The following CDK19 variants were observed in gnomAD, a reference collection of about 807,000 sequenced individuals.
The protein encoded by CDK19 is cyclin-dependent kinase 19.
In CDK19, 20 loss-of-function variants were observed where a neutral mutation model predicts 68.3. That is an observed-to-expected ratio of 0.29 (90% CI 0.21 to 0.43). The LOEUF (loss-of-function observed/expected upper bound fraction) is 0.43, where lower values mean the gene tolerates loss of function less well. Ranked by LOEUF, CDK19 falls within the 20% of genes least tolerant of loss-of-function variation. The pLI is 1.00. For synonymous variants in CDK19, 221 were observed against 222.8 expected, an observed-to-expected ratio of 0.99 and a Z score of 0.07; for missense variants, 339 against 623.5, an observed-to-expected ratio of 0.54 and a Z score of 4.86.
At chr6:110,689,372 C>T (rs930193818) in intron 2 of CDK19, among the ~76,000 whole-genome samples, 3 of 152,156 alleles carry the variant, frequency 2.0e-5, no homozygotes, top group African/African-American at 7.2e-5. Flanking sequence ...TTCGGCCCCA[C>T]CCATCACCTG....
intron 8 of CDK19, among the ~76,000 whole-genome samples, chr6:110,623,643 T>C (rs540766649): frequency 6.6e-6 from 1 of 151,810 alleles, no homozygotes; most frequent in South Asian, 2.1e-4. Context: ...GCAACTCCAT[T>C]TCTAGGCACA....
At chr6:110,715,177 T>C (rs1435895068) in intron 2 of CDK19, among the ~76,000 whole-genome samples, 2 of 152,350 alleles carry the variant, frequency 1.3e-5, no homozygotes, top group East Asian at 3.9e-4. Context: ...TGCTAACGTT[T>C]AACATTTCCT....
chr6:110,746,162 G>T lies in CDK19; in HGVS notation c.168C>A (p.Gly56=). 1 of 1,603,256 alleles carries T rather than the reference G, an allele frequency of 6.2e-7. No homozygotes were observed. Residue 56 remains glycine, a synonymous_variant, in exon 2 of 13, where the codon GGC becomes GGA. Transcript: ENST00000368911. ...TACAAGCCGACATGGATATTCCTGT[G>T]CCTTCAATTTGCTTCAATGCATATT... The part of the protein sequence containing the change: ...EKEYALKQIE[G]TGISMSACRE...
chr6:110,645,902 G>C (rs1780535137), intron 4 of CDK19: 1 of 837,410 alleles, frequency 1.2e-6, no homozygotes, highest in Admixed American at 2.1e-5. Flanking sequence ...ACTCAGTCCT[G>C]CGAACTGTGC....
At chr6:110,797,984 C>CAAAAAAAAAAAA (rs56710819) in intron 1 of CDK19, among the ~76,000 whole-genome samples, 3 of 87,250 alleles carry the variant, frequency 3.4e-5, no homozygotes, top group Admixed American at 1.4e-4. Flanking sequence ...GACTCCGTCT[C>CAAAAAAAAAAAA]AAAAAAAAAA....
At chr6:110,615,569 G>C (rs1455295998) in intron 12 of CDK19, among the ~76,000 whole-genome samples, 1 of 152,218 alleles carries the variant, frequency 6.6e-6, no homozygotes, top group Non-Finnish European at 1.5e-5. Flanking sequence ...GACAGTGAAA[G>C]AGATCTGATT....
At chr6:110,745,530 G>A (rs555846147) in intron 2 of CDK19, among the ~76,000 whole-genome samples, 12 of 152,006 alleles carry the variant, frequency 7.9e-5, no homozygotes, top group Admixed American at 7.2e-4. Flanking sequence ...TAAAGCTACA[G>A]AAAAATAGAC....
At chr6:110,686,879 A>G (rs746507149) in intron 2 of CDK19, among the ~76,000 whole-genome samples, 4 of 152,266 alleles carry the variant, frequency 2.6e-5, no homozygotes, top group South Asian at 4.1e-4. Context: ...TACCTAACCC[A>G]TATCTTTATA....
chr6:110,621,509 G>C lies in CDK19; in HGVS notation c.1111-139C>G, dbSNP rs3817495. The C allele has an allele frequency of 0.24, 196,823 of 812,312 alleles. 26,018 individuals carry two copies. Among genetic ancestry groups the C allele is most frequent in the Admixed American group, 0.37 (14,462 of 38,774 alleles). 50.3% of individuals were successfully genotyped at this position (812,312 alleles called of 1,614,324 possible). A position where few individuals can be genotyped will look rare whatever the true frequency, so the allele number is the denominator to read the frequency against. On this transcript the variant is annotated intron_variant, in intron 11 of 12. Transcript: ENST00000368911. The surrounding 1 kb of genome is among the most constrained non-coding windows in gnomAD (Gnocchi z 5.4). ...GACACTAGAGTGATGGGGAGGACTG[G>C]AGAATGGAGCAGCCAGGGAACACAG...
chr6:110,808,227 T>A (rs1036122503), intron 1 of CDK19, among the ~76,000 whole-genome samples: 2 of 152,190 alleles, frequency 1.3e-5, no homozygotes, highest in African/African-American at 2.4e-5. Flanking sequence ...ACTAACTACA[T>A]TCCAGTAATC....
At chr6:110,711,633 G>A (rs1774945859) in intron 2 of CDK19, among the ~76,000 whole-genome samples, 1 of 152,214 alleles carries the variant, frequency 6.6e-6, no homozygotes, top group East Asian at 1.9e-4. Flanking sequence ...TACCTTGATG[G>A]AGAATTTATA....
intron 4 of CDK19, among the ~76,000 whole-genome samples, chr6:110,657,749 A>G (rs542809062): frequency 6.6e-6 from 1 of 152,292 alleles, no homozygotes; most frequent in East Asian, 1.9e-4. Context: ...CAGGCCACTA[A>G]AACTTTATGC....
chr6:110,804,471 T>C (rs1782540497), intron 1 of CDK19, among the ~76,000 whole-genome samples: 1 of 151,480 alleles, frequency 6.6e-6, no homozygotes, highest in Non-Finnish European at 1.5e-5. Context: ...GACCCCTGAG[T>C]AGCTGGGACT....
rs764414068 is a variant in CDK19 at position 110,815,188 on chromosome 6, C to T, written c.-52G>A. 16 of 1,502,584 alleles carry T rather than the reference C, an allele frequency of 1.1e-5. No homozygotes were observed. The highest frequency in any genetic ancestry group is 1.2e-5 in the Non-Finnish European group (14 of 1,121,916). 93.1% of individuals were successfully genotyped at this position (1,502,584 alleles called of 1,614,324 possible). A position where few individuals can be genotyped will look rare whatever the true frequency, so the allele number is the denominator to read the frequency against. ...GACGCGGGGGCCGCCGCCGCTCAGT[C>T]CCTCCTCCTCCTCCCCCCGCGACCG... is the stretch of plus-strand genomic sequence containing the variant. On this transcript the variant is annotated 5_prime_UTR_variant, in exon 1 of 13. Coordinates refer to ENST00000368911, the MANE Select transcript of CDK19 (RefSeq NM_015076.5).
At chr6:110,646,252 A>C (rs1780565984) in intron 4 of CDK19, 2 of 1,500,204 alleles carry the variant, frequency 1.3e-6, no homozygotes, top group Non-Finnish European at 1.8e-6. Flanking sequence ...TGGCCGTTCC[A>C]CACACATAGT....
intron 2 of CDK19, among the ~76,000 whole-genome samples, chr6:110,675,286 T>C (rs1288643472): frequency 6.6e-6 from 1 of 152,170 alleles, no homozygotes; most frequent in African/African-American, 2.4e-5. Flanking sequence ...GATTTGAAGT[T>C]GAAGCCAATG....
At chr6:110,767,861 CTT>C (rs1043941452) in intron 1 of CDK19, among the ~76,000 whole-genome samples, 2 of 152,006 alleles carry the variant, frequency 1.3e-5, no homozygotes, top group African/African-American at 4.8e-5. Flanking sequence ...AAAACTAAAA[CTT>C]TTGCTTTGTG....
rs1413973804 is a variant in CDK19 at position 110,707,459 on chromosome 6, G to T, written c.205-36918C>A. On this transcript the variant is annotated intron_variant, in intron 2 of 12. Transcript: ENST00000368911. ...CCTGGATACCTGTATCCAAAGATGT[G>T]TTTTACCAGGATACAGATCATATCA... Among the ~76,000 whole-genome samples, 3 of 152,038 alleles carry T rather than the reference G, an allele frequency of 2.0e-5. No homozygotes were observed. The South Asian group carries it at 6.2e-4, about 32-fold the overall frequency.
intron 2 of CDK19, among the ~76,000 whole-genome samples, chr6:110,732,940 G>A (rs1272009067): frequency 3.9e-5 from 6 of 152,020 alleles, no homozygotes; most frequent in African/African-American, 1.2e-4. Flanking sequence ...GGTGGTGCAC[G>A]CCTGTAATCC....
Sources: gnomAD v4.1 joint callset for allele counts (sites outside exome capture counted in the v4.1 genomes callset) on GRCh38, gnomAD v4.1.1 for gene constraint, Gnocchi (gnomAD v3.1) non-coding constraint, MANE v1.5 for transcripts, NCBI Gene and HGNC (gene_info 2026-07-23, HGNC 2026-07-21) for gene names.